HMOX1: variants seen among roughly 807,000 people sequenced by gnomAD.
HMOX1 encodes heat shock protein, 32-kD.
HMOX1 carries 22 observed loss-of-function variants against 27.8 expected under a neutral mutation model. That is an observed-to-expected ratio of 0.79 (90% CI 0.57 to 1.13). HMOX1 has a LOEUF of 1.13. Ranked by LOEUF, HMOX1 falls within the 50% of genes most tolerant of loss-of-function variation. HMOX1 has a pLI of 0.00. For missense variants in HMOX1, 379 were observed against 377.7 expected (o/e 1.00, Z -0.03); for synonymous variants, 153 against 151.6 (o/e 1.01, Z -0.07).
chr22:35,386,971 G>C lies in HMOX1; in HGVS notation c.431G>C (p.Gly144Ala). The C allele has an allele frequency of 6.2e-7, 1 of 1,614,034 alleles. No individual in the cohort carries two copies. Among genetic ancestry groups the C allele is most frequent in the Non-Finnish European group, 8.5e-7 (1 of 1,180,040 alleles). ...CGCTACCTGGGTGACCTGTCTGGGGGCCAGGTGCTCAAAAAGATTGCCCAG... is the reference window on the plus strand; with the variant it reads ...CGCTACCTGGGTGACCTGTCTGGGGCCCAGGTGCTCAAAAAGATTGCCCAG... ...YTRYLGDLSG[G>A]QVLKKIAQKA... is the part of the protein sequence containing the mutation. Residue 144 changes from glycine (G) to alanine (A), a missense_variant, in exon 3 of 5, where the codon GGC (glycine) becomes GCC (alanine). Coordinates refer to ENST00000216117, the MANE Select transcript of HMOX1 (RefSeq NM_002133.3).
Position 35,381,200 on chromosome 22 carries a change from A to AGCGCGGG in HMOX1, c.23+12_23+18dup, listed in dbSNP as rs1365896304. The AGCGCGGG allele has an allele frequency of 1.6e-5, 24 of 1,547,464 alleles. No individual in the cohort carries two copies. Among genetic ancestry groups the AGCGCGGG allele is most frequent in the East Asian group, 7.2e-5 (3 of 41,836 alleles). On this transcript the variant is annotated splice_donor_region_variant and intron_variant, in intron 1 of 4. Transcript: ENST00000216117. ...TGGAGCGTCCGCAACCCGACAGGCA[A>AGCGCGGG]GCGCGGGGCGCGGGACGCGGGACGG...
chr22:35,385,609 CTTTT>C (rs71191362), intron 2 of HMOX1, among the ~76,000 whole-genome samples: 16 of 94,194 alleles, frequency 1.7e-4, no homozygotes, highest in Admixed American at 7.1e-4. Flanking sequence ...CCATACCTGG[CTTTT>C]TTTTTTTTTT....
intron 2 of HMOX1, 98 bp from the exon 3 acceptor site, chr22:35,386,587 A>G: frequency 1.3e-6 from 2 of 1,494,298 alleles, no homozygotes; most frequent in Non-Finnish European, 9.2e-7. Flanking sequence ...CCAGCTGCGA[A>G]GTGAGGAGGG....
intron 3 of HMOX1, among the ~76,000 whole-genome samples, chr22:35,389,593 C>A (rs1931662221): frequency 6.6e-6 from 1 of 151,530 alleles, no homozygotes; most frequent in Admixed American, 6.6e-5. Flanking sequence ...CAGGCATGCA[C>A]CACCACGCCC....
chr22:35,381,466 AT>A (rs575875274), intron 1 of HMOX1: 1,772 of 467,320 alleles, frequency 3.8e-3, no homozygotes, highest in South Asian at 5.7e-3. Context: ...GAGGTAGCCA[AT>A]TTTTTTTTTA....
chr22:35,389,792 A>G lies in HMOX1; in HGVS notation c.637-72A>G. 3 of 1,014,862 alleles carry G rather than the reference A, an allele frequency of 3.0e-6. No homozygotes were observed. The South Asian group carries it at 4.1e-5, about 14-fold the overall frequency. The allele number at this position is 1,014,862 out of a possible 1,614,324, so 62.9% of individuals were successfully genotyped here. A position where few individuals can be genotyped will look rare whatever the true frequency, so the allele number is the denominator to read the frequency against. On this transcript the variant is annotated intron_variant, in intron 3 of 4. Transcript: ENST00000216117. ...TCCAAAGTATTTCCTAACACAACTT[A>G]AGGTCCTACCTTCAGCTGGGACCTG...
chr22:35,389,399 T>TTCCTTCTTTC (rs1422800143), intron 3 of HMOX1, among the ~76,000 whole-genome samples: 3 of 42,782 alleles, frequency 7.0e-5, no homozygotes, highest in African/African-American at 4.1e-4. Flanking sequence ...TTCCTTCCTT[T>TTCCTTCTTTC]CTTTCTTTCT....
rs1409047038 is a variant in HMOX1 at position 35,388,808 on chromosome 22, A to AC, written c.637-1055dup. 3.3e-3 allele frequency among the ~76,000 whole-genome samples: 485 copies of AC among 145,294 alleles called. 2 individuals carry two copies. Among genetic ancestry groups the AC allele is most frequent in the African/African-American group, 0.013 (469 of 35,274 alleles). ...TGAGACTCCGTATTAAAAACAAAAAACAAACAAAAAAAAACGGCTCTTAGT... is the reference window on the plus strand; with the variant it reads ...TGAGACTCCGTATTAAAAACAAAAAACCAAACAAAAAAAAACGGCTCTTAGT... On this transcript the variant is annotated intron_variant, in intron 3 of 4. Transcript: ENST00000216117.
chr22:35,389,738 G>T, intron 3 of HMOX1, 126 bp from the exon 4 acceptor site: 1 of 750,942 alleles, frequency 1.3e-6, no homozygotes. Flanking sequence ...ACCGTGTCCG[G>T]CCAATATTTT....
chr22:35,386,863 C>T lies in HMOX1; in HGVS notation c.323C>T (p.Thr108Ile). Reference protein sequence around the residue: ...GPRWQEVIPYTPAMQRYVKRL... With the variant: ...GPRWQEVIPYIPAMQRYVKRL... ...CGCTGGCAGGAGGTCATCCCCTACACACCAGCCATGCAGCGCTATGTGAAG... is the reference window on the plus strand; with the variant it reads ...CGCTGGCAGGAGGTCATCCCCTACATACCAGCCATGCAGCGCTATGTGAAG... The change falls in exon 3 of 5, where the codon ACA (threonine) becomes ATA (isoleucine). Residue 108 changes from threonine to isoleucine, a missense_variant. Coordinates refer to ENST00000216117, the MANE Select transcript of HMOX1 (RefSeq NM_002133.3). 2 of 1,614,174 alleles carry T rather than the reference C, an allele frequency of 1.2e-6. No homozygotes were observed. The highest frequency in any genetic ancestry group is 1.7e-6 in the Non-Finnish European group (2 of 1,180,030).
At chr22:35,390,151 C>T (rs1931677371) in intron 4 of HMOX1, 188 bp downstream of exon 4, 1 of 632,572 alleles carries the variant, frequency 1.6e-6, no homozygotes, top group East Asian at 2.8e-5. Flanking sequence ...GTCTTGAACA[C>T]CTGACTTCAA....
Position 35,385,673 on chromosome 22 carries a change from T to G in HMOX1, c.145-1012T>G, listed in dbSNP as rs140254337. On this transcript the variant is annotated intron_variant, in intron 2 of 4. Transcript: ENST00000216117. ...CTCTGTCGCCCAGGCTGGAGCGCAATGGCGTGATCTCGGCTCACTGCAACC... is the reference window on the plus strand; with the variant it reads ...CTCTGTCGCCCAGGCTGGAGCGCAAGGGCGTGATCTCGGCTCACTGCAACC... Among the ~76,000 whole-genome samples the G allele has an allele frequency of 1.7e-4, 24 of 143,906 alleles. No individual in the cohort carries two copies. The East Asian group carries it at 5.1e-3, about 31-fold the overall frequency. The allele number at this position is 143,906 out of a possible 152,430, so 94.4% of individuals were successfully genotyped here.
intron 4 of HMOX1, among the ~76,000 whole-genome samples, chr22:35,392,717 C>CTTT (rs753975375): frequency 1.5e-5 from 2 of 136,316 alleles, no homozygotes; most frequent in African/African-American, 5.4e-5. Context: ...TGTTTTAAAT[C>CTTT]TTTTTTTTTT....
intron 3 of HMOX1, among the ~76,000 whole-genome samples, chr22:35,389,254 C>CGTTCTTT (rs1931601872): frequency 1.5e-5 from 1 of 65,972 alleles, no homozygotes; most frequent in Non-Finnish European, 2.9e-5. Context: ...TTTCTTTTCT[C>CGTTCTTT]TCTCTCTCTC....
In HMOX1 at chr22:35,393,819, G is replaced by A. The variant is rs978729173; in HGVS notation, c.*221G>A. The A allele has an allele frequency of 2.6e-5, 15 of 579,428 alleles. No individual in the cohort carries two copies. Among genetic ancestry groups the A allele is most frequent in the Admixed American group, 1.5e-4 (6 of 39,644 alleles). 35.9% of individuals were successfully genotyped at this position (579,428 alleles called of 1,614,324 possible). A position where few individuals can be genotyped will look rare whatever the true frequency, so the allele number is the denominator to read the frequency against. On this transcript the variant is annotated 3_prime_UTR_variant, in exon 5 of 5. Transcript: ENST00000216117. ...GGCAATGGCCTAAACTTCAGAGGGG[G>A]CGAAGGGATCAGCCCTGCCCTTCAG...
At chr22:35,391,576 C>T (rs1204817373) in intron 4 of HMOX1, among the ~76,000 whole-genome samples, 9 of 147,444 alleles carry the variant, frequency 6.1e-5, no homozygotes, top group Non-Finnish European at 1.0e-4. Flanking sequence ...TGTGAGCCAC[C>T]GCGCCCGGCC....
Position 35,381,117 on chromosome 22 carries a change from G to C in HMOX1, c.-57G>C. The C allele has an allele frequency of 6.5e-7, 1 of 1,534,402 alleles. No homozygotes were observed. ...AGTCAACGCCTGCCTCCTCTCGAGC[G>C]TCCTCAGCGCAGCCGCCGCCCGCGG... On this transcript the variant is annotated 5_prime_UTR_variant, in exon 1 of 5. Coordinates refer to ENST00000216117, the MANE Select transcript of HMOX1 (RefSeq NM_002133.3).
intron 3 of HMOX1, among the ~76,000 whole-genome samples, chr22:35,387,837 C>A (rs570324735): frequency 1.3e-5 from 2 of 152,342 alleles, no homozygotes; most frequent in East Asian, 3.9e-4. Context: ...GCTCCCTACT[C>A]CCAGCCGTGG....
intron 2 of HMOX1, among the ~76,000 whole-genome samples, chr22:35,385,986 C>T (rs1362281254): frequency 2.7e-5 from 4 of 147,616 alleles, no homozygotes; most frequent in Non-Finnish European, 6.0e-5. Context: ...GACAGAATTT[C>T]GCTGTGTTGC....
Sources: gnomAD v4.1 joint callset for allele counts (sites outside exome capture counted in the v4.1 genomes callset) on GRCh38, gnomAD v4.1.1 for gene constraint, MANE v1.5 for transcripts, NCBI Gene and HGNC (gene_info 2026-07-23, HGNC 2026-07-21) for gene names.